Variants in RGS14 observed in about 807,000 individuals in gnomAD.
RGS14 encodes the protein regulator of G-protein signaling 14.
In RGS14, 33 loss-of-function variants were observed where a neutral mutation model predicts 63.8. The ratio of observed to expected loss-of-function variants is 0.52; its 90% CI spans 0.39 to 0.69. The LOEUF is 0.69. Among genes scored for constraint, RGS14 ranks in the 30% least tolerant of loss-of-function variants. The pLI, the probability that RGS14 is intolerant of heterozygous loss-of-function variation, is 0.00. For missense variants in RGS14, 739 were observed against 742.9 expected, an observed-to-expected ratio of 0.99 and a Z score of 0.06; for synonymous variants, 296 against 320.9, an observed-to-expected ratio of 0.92 and a Z score of 0.83.
Position 177,370,999 on chromosome 5 carries a change from G to C in RGS14, c.1222G>C (p.Gly408Arg), listed in dbSNP as rs1281537742. 2 of 1,603,142 alleles carry C rather than the reference G, an allele frequency of 1.2e-6. No individual in the cohort carries two copies. The highest frequency in any genetic ancestry group is 1.7e-6 in the Non-Finnish European group (2 of 1,178,612). The change falls in exon 11 of 15, where the codon GGC (glycine) becomes CGC (arginine). Residue 408 changes from glycine (G) to arginine (R), a missense_variant. By Grantham distance (125) the Gly-to-Arg change is moderately radical (BLOSUM62 -2). Transcript: ENST00000408923. ...EALQPILEKH[G>R]LSPLEVVLHR... ...GCTGCAGCCCATTCTGGAGAAGCAC[G>C]GCTTGAGCCCGCTAGAGGTGGTGCT...
At position 177,367,559 on chromosome 5, in the gene RGS14, T is replaced by C; in HGVS notation, c.627+2T>C. The C allele has an allele frequency of 6.2e-7, 1 of 1,606,234 alleles. No individual in the cohort carries two copies. The highest frequency in any genetic ancestry group is 2.2e-5 in the East Asian group (1 of 44,568). On this transcript the variant is annotated splice_donor_variant, in intron 6 of 14. Transcript: ENST00000408923. LOFTEE classifies it high-confidence loss of function. ...GGCAGCCCTGACGCCACGAGGAAGG[T>C]GCGTGGGACTGGGCGAGGGACTGGG...
rs777921705 is a variant in RGS14 at position 177,367,487 on chromosome 5, C to A, written c.557C>A (p.Ala186Asp). The A allele has an allele frequency of 4.3e-6, 7 of 1,612,838 alleles. No individual in the cohort carries two copies. Among genetic ancestry groups the A allele is most frequent in the Non-Finnish European group, 5.9e-6 (7 of 1,179,504 alleles). Reference sequence around the variant, plus strand: ...CCGCTGTACCGCGAGTGCCTGCTAGCCGAAGCCGAGGGACGCCCTCTGCGG... The same window carrying A: ...CCGCTGTACCGCGAGTGCCTGCTAGACGAAGCCGAGGGACGCCCTCTGCGG... ...KSPLYRECLL[A>D]EAEGRPLREP... The change falls in exon 6 of 15, where the codon GCC (alanine) becomes GAC (aspartate). Residue 186 changes from alanine to aspartate, a missense_variant. Ala to Asp is a moderately radical substitution (Grantham distance 126). Transcript: ENST00000408923.
Position 177,358,889 on chromosome 5 carries a change from G to A in RGS14, c.45+820G>A, listed in dbSNP as rs1561612043. ...ACCAGGCCCCAGCCTAGTATCACGG[G>A]CCAAAGCCAGTGGCTCTATAGAGAC... On this transcript the variant is annotated intron_variant, in intron 1 of 14. Transcript: ENST00000408923. This position sits in a 1 kb window ranked among gnomAD's most constrained non-coding sequence, Gnocchi z 4.8. 6.6e-6 allele frequency among the ~76,000 whole-genome samples: 1 copy of A among 152,224 alleles called. No homozygotes were observed. The highest frequency in any genetic ancestry group is 1.5e-5 in the Non-Finnish European group (1 of 68,036).
rs1163449353 is a variant in RGS14, at chr5:177,358,801, T to C, written c.45+732T>C. ...CTGGGCCTCCCTTCTCTCCCTAGGG[T>C]TCCCCCCTCACTTGGAAGAGTCCCT... On this transcript the variant is annotated intron_variant, in intron 1 of 14. Coordinates refer to ENST00000408923, the MANE Select transcript of RGS14 (RefSeq NM_006480.5). The surrounding 1 kb of genome is among the most constrained non-coding windows in gnomAD (Gnocchi z 4.8). 6.6e-6 allele frequency among the ~76,000 whole-genome samples: 1 copy of C among 152,104 alleles called. No homozygotes were observed. The highest frequency in any genetic ancestry group is 1.5e-5 in the Non-Finnish European group (1 of 68,004).
chr5:177,362,022 G>A (rs550386918), intron 1 of RGS14, among the ~76,000 whole-genome samples: 1 of 152,296 alleles, frequency 6.6e-6, no homozygotes, highest in South Asian at 2.1e-4. Context: ...TCACTCCGCT[G>A]TGGGGTGCTG....
Position 177,371,135 on chromosome 5 carries a change from G to A in RGS14, c.1255-30G>A, listed in dbSNP as rs763415366. On this transcript the variant is annotated intron_variant, in intron 11 of 14. Coordinates refer to ENST00000408923, the MANE Select transcript of RGS14 (RefSeq NM_006480.5). This position sits in a 1 kb window ranked among gnomAD's most constrained non-coding sequence, Gnocchi z 6.1. Reference sequence around the variant, plus strand: ...CGGGGCCGGGGCCGGGCGGAGGCCTGTACCGCGGGCTGCTGACCTCTCCCC... The same window carrying A: ...CGGGGCCGGGGCCGGGCGGAGGCCTATACCGCGGGCTGCTGACCTCTCCCC... 6 of 1,593,206 alleles carry A rather than the reference G, an allele frequency of 3.8e-6. No homozygotes were observed. The South Asian group carries it at 6.6e-5, about 18-fold the overall frequency.
In RGS14 at chr5:177,371,559, A is replaced by C. The variant is rs755218307; in HGVS notation, c.1468A>C (p.Thr490Pro). ...TCTGGTGAAGGTGCCCAGTAGTGCC[A>C]CTGGAAAGCGGCAGACCTGTGACAT... ...SSLVKVPSSA[T>P]GKRQTCDIEG... Residue 490 changes from threonine to proline, a missense_variant, in exon 14 of 15, where the codon ACT becomes CCT. Thr to Pro is a conservative substitution (Grantham distance 38, BLOSUM62 -1). Coordinates refer to ENST00000408923, the MANE Select transcript of RGS14 (RefSeq NM_006480.5). This position sits in a 1 kb window ranked among gnomAD's most constrained non-coding sequence, Gnocchi z 6.1. 6.2e-7 allele frequency: 1 copy of C among 1,614,054 alleles called. No individual in the cohort carries two copies. Among genetic ancestry groups the C allele is most frequent in the Non-Finnish European group, 8.5e-7 (1 of 1,179,966 alleles).
At chr5:177,368,643 A>G in intron 8 of RGS14, 74 bp from the exon 9 acceptor site, 1 of 1,482,738 alleles carries the variant, frequency 6.7e-7, no homozygotes, top group Non-Finnish European at 9.4e-7. Flanking sequence ...CAGCAAGCTT[A>G]CCTATCTCTG....
At chr5:177,363,039 A>C (rs903273784) in intron 1 of RGS14, among the ~76,000 whole-genome samples, 1 of 151,690 alleles carries the variant, frequency 6.6e-6, no homozygotes, top group African/African-American at 2.4e-5. Flanking sequence ...ATTCTCGGGG[A>C]TCTGGGGGAG....
chr5:177,370,611 C>A lies in RGS14; in HGVS notation c.1074C>A (p.Asp358Glu). 4.3e-6 allele frequency: 7 copies of A among 1,614,124 alleles called. No homozygotes were observed. The South Asian group carries it at 6.6e-5, about 15-fold the overall frequency. ...AGAAGGCCCTGGTCCTGGATCAGGA[C>A]TGCACCGTGCTGGCGGATCAGGAAG... ...GNEQALVLDQ[D>E]CTVLADQEVR... Residue 358 changes from aspartate to glutamate, a missense_variant, in exon 10 of 15, where the codon GAC becomes GAA. Physicochemically the swap from Asp to Glu is conservative, Grantham distance 45 (BLOSUM62 2). Coordinates refer to ENST00000408923, the MANE Select transcript of RGS14 (RefSeq NM_006480.5).
intron 7 of RGS14, 150 bp from the exon 8 acceptor site, chr5:177,368,007 G>A (rs1359820928): frequency 1.4e-6 from 2 of 1,446,792 alleles, no homozygotes; most frequent in African/African-American, 2.8e-5. Flanking sequence ...CAGACGTTTG[G>A]AAATCTCCAA....
chr5:177,371,260 G>T lies in RGS14; in HGVS notation c.1336+14G>T. 1 of 1,614,096 alleles carries T rather than the reference G, an allele frequency of 6.2e-7. No individual in the cohort carries two copies. The highest frequency in any genetic ancestry group is 8.5e-7 in the Non-Finnish European group (1 of 1,179,980). On this transcript the variant is annotated intron_variant, in intron 12 of 14. Transcript: ENST00000408923. The surrounding 1 kb of genome is among the most constrained non-coding windows in gnomAD (Gnocchi z 6.1). Reference sequence around the variant, plus strand: ...ACACTCTTCCAGGTAGGGGACGCTGGCCTCGGGGCTTGATCTGGAACAGCT... The same window carrying T: ...ACACTCTTCCAGGTAGGGGACGCTGTCCTCGGGGCTTGATCTGGAACAGCT...
Position 177,368,167 on chromosome 5 carries a change from G to T in RGS14, c.750G>T (p.Gly250=), listed in dbSNP as rs768039611. The part of the protein sequence containing the change: ...LRKSFRRELG[G]TANAALRRES... Reference sequence around the variant, plus strand: ...CTCCCTCTTCACTAGAGCTGGGCGGGACTGCAAACGCCGCCTTGCGCCGAG... The same window carrying T: ...CTCCCTCTTCACTAGAGCTGGGCGGTACTGCAAACGCCGCCTTGCGCCGAG... The change falls in exon 8 of 15, where the codon GGG becomes GGT. Residue 250 remains glycine, a synonymous_variant. Transcript: ENST00000408923. 1 of 1,613,432 alleles carries T rather than the reference G, an allele frequency of 6.2e-7. No individual in the cohort carries two copies.
Position 177,358,013 on chromosome 5 carries a change from A to G in RGS14, c.-12A>G. 1 of 1,356,278 alleles carries G rather than the reference A, an allele frequency of 7.4e-7. No individual in the cohort carries two copies. The highest frequency in any genetic ancestry group is 2.9e-5 in the East Asian group (1 of 34,054). 84.0% of individuals were successfully genotyped at this position (1,356,278 alleles called of 1,614,324 possible). ...GCAGCCCCCGCGGCGGGGACCCCTG[A>G]TCGGCAGCGGCATGCCAGGGAAGCC... On this transcript the variant is annotated 5_prime_UTR_variant, in exon 1 of 15. It removes the in-frame stop codon of an upstream open reading frame in the 5' UTR. Transcript: ENST00000408923. The surrounding 1 kb of genome is among the most constrained non-coding windows in gnomAD (Gnocchi z 4.8).
Position 177,363,780 on chromosome 5 carries a change from C to G in RGS14, c.46-2183C>G, listed in dbSNP as rs548323291. On this transcript the variant is annotated intron_variant, in intron 1 of 14. Coordinates refer to ENST00000408923, the MANE Select transcript of RGS14 (RefSeq NM_006480.5). ...GTTAAGTACCTCGTCCAAAGTCACACAGCACAAATTTGACCTCCCAAATTT... is the reference window on the plus strand; with the variant it reads ...GTTAAGTACCTCGTCCAAAGTCACAGAGCACAAATTTGACCTCCCAAATTT... 7.2e-4 allele frequency among the ~76,000 whole-genome samples: 110 copies of G among 152,268 alleles called. No individual in the cohort carries two copies. The South Asian group carries it at 0.022, about 30-fold the overall frequency.
In RGS14 at chr5:177,368,882, C is replaced by G; in HGVS notation, c.1015C>G (p.Leu339Val). 6.2e-7 allele frequency: 1 copy of G among 1,614,216 alleles called. No individual in the cohort carries two copies. Among genetic ancestry groups the G allele is most frequent in the Non-Finnish European group, 8.5e-7 (1 of 1,180,034 alleles). Residue 339 changes from leucine (L) to valine (V), a missense_variant, in exon 9 of 15, where the codon CTA (leucine) becomes GTA (valine). By Grantham distance (32) the Leu-to-Val change is conservative. Coordinates refer to ENST00000408923, the MANE Select transcript of RGS14 (RefSeq NM_006480.5). The stretch of plus-strand genomic sequence containing the variant: ...GATCTGTGAGAAACGAGGCCTCTCT[C>G]TACCTGACATCAAGGTCTACCTGGT... The part of the protein sequence containing the change: ...AGICEKRGLS[L>V]PDIKVYLVGN...
At chr5:177,370,517 G>A in intron 9 of RGS14, 74 bp from the exon 10 acceptor site, 1 of 1,372,824 alleles carries the variant, frequency 7.3e-7, no homozygotes, top group Non-Finnish European at 1.0e-6. Context: ...AGGGCGTGAA[G>A]TTGTTCTCAG....
chr5:177,368,092 C>A (rs1469420858), intron 7 of RGS14, 65 bp from the exon 8 acceptor site: 1 of 1,571,394 alleles, frequency 6.4e-7, no homozygotes, highest in South Asian at 1.1e-5. Flanking sequence ...CAGTGGGGAA[C>A]AGGCTTCCGC....
rs10042978 is a variant in RGS14 at position 177,358,108 on chromosome 5, T to C, written c.45+39T>C. On this transcript the variant is annotated intron_variant, in intron 1 of 14. Coordinates refer to ENST00000408923, the MANE Select transcript of RGS14 (RefSeq NM_006480.5). The surrounding 1 kb of genome is among the most constrained non-coding windows in gnomAD (Gnocchi z 4.8). ...CCGGGCCAGGGCCACGAGGAGGGGG[T>C]GGGCACACCCAGGGTGGAGCCCAGG... 1.2e-3 allele frequency: 1,544 copies of C among 1,317,844 alleles called. 11 individuals are homozygous for C. In the African/African-American group the frequency reaches 0.022, roughly 19 times the overall value. The allele number at this position is 1,317,844 out of a possible 1,614,324, so 81.6% of individuals were successfully genotyped here.
Sources: allele counts gnomAD v4.1 joint callset (sites outside exome capture counted in the v4.1 genomes callset), GRCh38; gene constraint gnomAD v4.1.1; non-coding constraint Gnocchi (gnomAD v3.1); transcripts MANE v1.5; gene names NCBI Gene and HGNC (gene_info 2026-07-23, HGNC 2026-07-21).